GRM8: variants seen among roughly 807,000 people sequenced by gnomAD.
The protein encoded by GRM8 is glutamate metabotropic receptor 8.
A neutral mutation model predicts 87.2 loss-of-function variants in GRM8; 47 were observed. The ratio of observed to expected loss-of-function variants is 0.54; its 90% CI spans 0.43 to 0.69. GRM8 has a LOEUF of 0.69. GRM8 is among the 30% of genes least tolerant of loss of function. GRM8 has a pLI of 0.00. For synonymous variants in GRM8, 396 were observed against 404.5 expected (o/e 0.98, Z 0.25); for missense variants, 1,019 against 1,139.2 (o/e 0.89, Z 1.52).
At chr7:126,848,822 T>G (rs1218280491) in intron 6 of GRM8, among the ~76,000 whole-genome samples, 2 of 152,092 alleles carry the variant, frequency 1.3e-5, no homozygotes, top group African/African-American at 2.4e-5. Context: ...CTCTGTGTAT[T>G]AGTCTGTTTT....
At chr7:126,880,893 C>A (rs1799960552) in intron 6 of GRM8, among the ~76,000 whole-genome samples, 1 of 152,192 alleles carries the variant, frequency 6.6e-6, no homozygotes, top group Non-Finnish European at 1.5e-5. Flanking sequence ...TCACAATTCT[C>A]TAATGCCTGG....
intron 2 of GRM8, among the ~76,000 whole-genome samples, chr7:127,200,680 T>G (rs1240177984): frequency 6.6e-6 from 1 of 152,238 alleles, no homozygotes; most frequent in Non-Finnish European, 1.5e-5. Context: ...CCTGGATGTA[T>G]CACTCCAATC....
intron 7 of GRM8, among the ~76,000 whole-genome samples, chr7:126,634,300 T>C (rs1801637634): frequency 6.6e-6 from 1 of 152,150 alleles, no homozygotes; most frequent in Non-Finnish European, 1.5e-5. Context: ...GCCCCTAGCA[T>C]TCTCATATTG....
intron 8 of GRM8, among the ~76,000 whole-genome samples, chr7:126,568,163 A>G (rs1480898469): frequency 1.3e-5 from 2 of 152,156 alleles, no homozygotes; most frequent in Non-Finnish European, 2.9e-5. Flanking sequence ...GAAAAACAGA[A>G]CAGAGATAAT....
At chr7:126,467,559 C>T (rs1228147396) in intron 9 of GRM8, among the ~76,000 whole-genome samples, 1 of 151,784 alleles carries the variant, frequency 6.6e-6, no homozygotes, top group African/African-American at 2.4e-5. Context: ...TGAATTGTTG[C>T]TTCCACTATT....
chr7:126,455,687 T>C (rs568874011), intron 9 of GRM8, among the ~76,000 whole-genome samples: 60 of 151,766 alleles, frequency 4.0e-4, no homozygotes, highest in African/African-American at 1.4e-3. Context: ...TTGCACTGGG[T>C]TGGAGCAGAA....
intron 2 of GRM8, among the ~76,000 whole-genome samples, chr7:127,183,407 G>GA (rs1184321311): frequency 3.3e-5 from 5 of 151,380 alleles, no homozygotes; most frequent in South Asian, 2.1e-4. Flanking sequence ...CTGGAAAATA[G>GA]AAAAAAATGA....
At chr7:127,004,789 G>A (rs1000207116) in intron 3 of GRM8, among the ~76,000 whole-genome samples, 5 of 151,410 alleles carry the variant, frequency 3.3e-5, no homozygotes, top group African/African-American at 1.2e-4. Context: ...GTTATTACAT[G>A]TTTCTCTGGA....
chr7:127,192,135 T>C (rs570137288), intron 2 of GRM8, among the ~76,000 whole-genome samples: 1 of 152,340 alleles, frequency 6.6e-6, no homozygotes, highest in South Asian at 2.1e-4. Context: ...TACACAATAT[T>C]CTGATTAAGA....
At chr7:126,811,613 T>C (rs1473982464) in intron 6 of GRM8, among the ~76,000 whole-genome samples, 1 of 151,972 alleles carries the variant, frequency 6.6e-6, no homozygotes, top group African/African-American at 2.4e-5. Context: ...TATTTTGAGG[T>C]TTTCTGTGGC....
chr7:126,684,514 A>T (rs1807958245), intron 7 of GRM8, among the ~76,000 whole-genome samples: 1 of 152,210 alleles, frequency 6.6e-6, no homozygotes, highest in African/African-American at 2.4e-5. Context: ...TATCTACCAT[A>T]GCTGTAGACC....
intron 7 of GRM8, among the ~76,000 whole-genome samples, chr7:126,663,489 T>C (rs1464322852): frequency 2.0e-5 from 3 of 152,210 alleles, no homozygotes; most frequent in Non-Finnish European, 4.4e-5. Context: ...TGGTTCAACA[T>C]ATGCAAATCA....
intron 6 of GRM8, among the ~76,000 whole-genome samples, chr7:126,880,466 G>T (rs1014903135): frequency 7.9e-5 from 12 of 152,078 alleles, no homozygotes; most frequent in Non-Finnish European, 1.5e-4. Flanking sequence ...AGCCTCTTAG[G>T]ACTTAAAGTG....
intron 7 of GRM8, among the ~76,000 whole-genome samples, chr7:126,751,723 G>A (rs139122205): frequency 1.2e-3 from 182 of 152,302 alleles, no homozygotes; most frequent in Admixed American, 2.5e-3. Context: ...AGACAATAGG[G>A]AGGGCTCCTT....
chr7:126,573,910 C>T (rs1794899321), intron 8 of GRM8, among the ~76,000 whole-genome samples: 1 of 152,228 alleles, frequency 6.6e-6, no homozygotes. Context: ...TTTCTTATCA[C>T]ATTCTCAGAA....
At chr7:126,467,151 C>A (rs534328290) in intron 9 of GRM8, among the ~76,000 whole-genome samples, 8 of 151,640 alleles carry the variant, frequency 5.3e-5, no homozygotes, top group Admixed American at 2.0e-4. Flanking sequence ...CCTAGCCCCC[C>A]ACCCCCCGAC....
chr7:126,843,133 C>G (rs1049856975), intron 6 of GRM8, among the ~76,000 whole-genome samples: 1 of 152,132 alleles, frequency 6.6e-6, no homozygotes, highest in African/African-American at 2.4e-5. Context: ...TAATGATTGA[C>G]ATAATCCTGT....
intron 6 of GRM8, among the ~76,000 whole-genome samples, chr7:126,861,224 C>T (rs1798108461): frequency 6.6e-6 from 1 of 151,962 alleles, no homozygotes. Context: ...GTGTATTATA[C>T]TATGCTTTTA....
chr7:126,531,125 T>C (rs1038936071), intron 9 of GRM8, among the ~76,000 whole-genome samples: 1 of 152,212 alleles, frequency 6.6e-6, no homozygotes, highest in Non-Finnish European at 1.5e-5. Context: ...TACAAAATTT[T>C]ATAATGTGAA....
Sources: gnomAD v4.1 joint callset for allele counts (sites outside exome capture counted in the v4.1 genomes callset) on GRCh38, gnomAD v4.1.1 for gene constraint, MANE v1.5 for transcripts, NCBI Gene and HGNC (gene_info 2026-07-23, HGNC 2026-07-21) for gene names.